NUP54: variants seen among roughly 807,000 people sequenced by gnomAD.
NUP54 encodes the protein nucleoporin 54.
A neutral mutation model predicts 66.4 loss-of-function variants in NUP54; 27 were observed. The observed-to-expected ratio is 0.41, with a 90% confidence interval of 0.30 to 0.56. The LOEUF (loss-of-function observed/expected upper bound fraction) is 0.56, where lower values mean the gene tolerates loss of function less well. Among genes scored for constraint, NUP54 ranks in the 20% least tolerant of loss-of-function variants. The probability of loss-of-function intolerance (pLI) is 0.34; values close to 1 mark genes in which losing one functional copy is unlikely to be tolerated. For missense variants in NUP54, 486 were observed against 596.3 expected (o/e 0.82, Z 1.93); for synonymous variants, 206 against 210.7 (o/e 0.98, Z 0.19).
At chr4:76,145,982 C>A (rs60015167) in intron 1 of NUP54, 43,287 of 316,424 alleles carry the variant, frequency 0.14, 3,420 homozygotes, top group East Asian at 0.34. Context: ...AAGTCACCCA[C>A]AGTACTAAGC....
At chr4:76,138,080 C>T (rs957400588) in intron 3 of NUP54, among the ~76,000 whole-genome samples, 2 of 152,156 alleles carry the variant, frequency 1.3e-5, no homozygotes, top group Non-Finnish European at 2.9e-5. Context: ...CCACAAGGTC[C>T]ATGGAGCTTC....
At position 76,115,342 on chromosome 4, in the gene NUP54, AC is replaced by A. The variant is rs1729902427; in HGVS notation, c.*23del. ...TGCAGTAAGAAGATGCATTTCACAAACCTTTACACAAGTTTGTGAACTGTCA... is the reference window on the plus strand; with the variant it reads ...TGCAGTAAGAAGATGCATTTCACAAACTTTACACAAGTTTGTGAACTGTCA... On this transcript the variant is annotated 3_prime_UTR_variant, in exon 12 of 12. Coordinates refer to ENST00000264883, the MANE Select transcript of NUP54 (RefSeq NM_017426.4). 6.5e-7 allele frequency: 1 copy of A among 1,548,772 alleles called. No homozygotes were observed. Among genetic ancestry groups the A allele is most frequent in the African/African-American group, 1.4e-5 (1 of 71,672 alleles).
intron 3 of NUP54, among the ~76,000 whole-genome samples, chr4:76,141,738 A>T (rs1352108407): frequency 6.6e-6 from 1 of 150,970 alleles, no homozygotes; most frequent in Non-Finnish European, 1.5e-5. Context: ...ACTTCTAAAA[A>T]TCTGATTATT....
At chr4:76,116,372 T>A (rs7679611) in intron 11 of NUP54, among the ~76,000 whole-genome samples, 1 of 152,102 alleles carries the variant, frequency 6.6e-6, no homozygotes, top group Non-Finnish European at 1.5e-5. Flanking sequence ...ACATTTATAA[T>A]CTTTATCTAA....
At chr4:76,142,084 C>T (rs1731290408) in intron 3 of NUP54, among the ~76,000 whole-genome samples, 1 of 151,852 alleles carries the variant, frequency 6.6e-6, no homozygotes, top group Admixed American at 6.6e-5. Context: ...CAAAATGAGC[C>T]CCTTTCAATT....
chr4:76,134,113 A>G, intron 5 of NUP54, 62 bp downstream of exon 5: 1 of 1,197,054 alleles, frequency 8.4e-7, no homozygotes, highest in Non-Finnish European at 1.2e-6. Flanking sequence ...AACATTATTG[A>G]TCACTCCCTT....
chr4:76,146,482 AT>A (rs1272609450), intron 1 of NUP54, among the ~76,000 whole-genome samples: 2 of 152,350 alleles, frequency 1.3e-5, no homozygotes, highest in Admixed American at 6.5e-5. Flanking sequence ...GTTTTCAAAT[AT>A]TCTTCGAACT....
intron 3 of NUP54, among the ~76,000 whole-genome samples, chr4:76,141,942 T>C (rs1439961389): frequency 6.6e-6 from 1 of 152,174 alleles, no homozygotes; most frequent in African/African-American, 2.4e-5. Flanking sequence ...TACTCTGCCA[T>C]AAACCATGCC....
intron 7 of NUP54, 184 bp from the exon 8 acceptor site, chr4:76,130,933 T>A (rs991724442): frequency 1.6e-6 from 1 of 610,226 alleles, no homozygotes; most frequent in South Asian, 2.1e-5. Flanking sequence ...ATTTTACAAA[T>A]GAGGAAATAC....
chr4:76,134,407 T>C (rs899769584), intron 4 of NUP54, 45 bp from the exon 5 acceptor site: 36 of 1,461,996 alleles, frequency 2.5e-5, no homozygotes, highest in Non-Finnish European at 3.3e-5. Context: ...TGTACAGATC[T>C]TAAATCAGGT....
At chr4:76,130,258 T>C (rs1018228041) in intron 8 of NUP54, among the ~76,000 whole-genome samples, 3 of 152,082 alleles carry the variant, frequency 2.0e-5, no homozygotes, top group Non-Finnish European at 2.9e-5. Context: ...GTCTACTTTA[T>C]GAAATAAAAT....
chr4:76,135,758 G>A (rs1321216794), intron 4 of NUP54, among the ~76,000 whole-genome samples: 1 of 152,194 alleles, frequency 6.6e-6, no homozygotes, highest in Admixed American at 6.5e-5. Context: ...TTGGTAGGCA[G>A]GGAATAAGAA....
chr4:76,124,495 A>G (rs1730371096), intron 9 of NUP54, 154 bp downstream of exon 9: 1 of 415,308 alleles, frequency 2.4e-6, no homozygotes, highest in East Asian at 3.8e-5. Context: ...CTTGTTTTCC[A>G]ATTTCAAAGT....
At position 76,127,706 on chromosome 4, in the gene NUP54, G is replaced by A. The variant is rs80160607; in HGVS notation, c.1056+2950C>T. Among the ~76,000 whole-genome samples, 31 of 150,226 alleles carry A rather than the reference G, an allele frequency of 2.1e-4. No individual in the cohort carries two copies. The East Asian group carries it at 4.5e-3, about 22-fold the overall frequency. On this transcript the variant is annotated intron_variant, in intron 8 of 11. Coordinates refer to ENST00000264883, the MANE Select transcript of NUP54 (RefSeq NM_017426.4). Reference sequence around the variant, plus strand: ...TTTCTCTTCAACTACAGACACCAAAGACAGAATTAACAAAGAGATGAGAAA... The same window carrying A: ...TTTCTCTTCAACTACAGACACCAAAAACAGAATTAACAAAGAGATGAGAAA...
chr4:76,145,175 G>A (rs371286592), intron 1 of NUP54, among the ~76,000 whole-genome samples: 19,396 of 151,014 alleles, frequency 0.13, 1,474 homozygotes, highest in East Asian at 0.34. Flanking sequence ...AAAATTAGCC[G>A]GGCGTGGCGG....
chr4:76,127,513 G>A (rs1730596882), intron 8 of NUP54, among the ~76,000 whole-genome samples: 1 of 149,988 alleles, frequency 6.7e-6, no homozygotes, highest in Admixed American at 6.7e-5. Context: ...TTATATAAAG[G>A]TAAACTTCAT....
At chr4:76,118,257 T>A in intron 9 of NUP54, 63 bp from the exon 10 acceptor site, 1 of 1,401,384 alleles carries the variant, frequency 7.1e-7, no homozygotes, top group Non-Finnish European at 1.0e-6. Context: ...CAAGTAGTAG[T>A]AGTACAATTA....
At chr4:76,125,865 G>GGGGAGA (rs1730514861) in intron 8 of NUP54, among the ~76,000 whole-genome samples, 1 of 90,046 alleles carries the variant, frequency 1.1e-5, no homozygotes, top group Admixed American at 1.2e-4. Context: ...GGAGGGGGAG[G>GGGGAGA]GAGAGAGAGA....
intron 8 of NUP54, among the ~76,000 whole-genome samples, chr4:76,125,285 A>G (rs539463490): frequency 5.5e-5 from 6 of 109,674 alleles, no homozygotes; most frequent in African/African-American, 2.1e-4. Flanking sequence ...ATCTCACAGA[A>G]ACAAAAAACA....
Sources: allele counts gnomAD v4.1 joint callset (sites outside exome capture counted in the v4.1 genomes callset), GRCh38; gene constraint gnomAD v4.1.1; transcripts MANE v1.5; gene names NCBI Gene and HGNC (gene_info 2026-07-23, HGNC 2026-07-21).